PLCB1: variants seen among roughly 807,000 people sequenced by gnomAD.
PLCB1 encodes the protein 1-phosphatidylinositol 4,5-bisphosphate phosphodiesterase beta-1.
Under a neutral mutation model 161.8 loss-of-function variants are expected in PLCB1, and 46 were observed. That is an observed-to-expected ratio of 0.28 (90% CI 0.22 to 0.36). The LOEUF (loss-of-function observed/expected upper bound fraction) is 0.36, where lower values mean the gene tolerates loss of function less well. Ranked by LOEUF, PLCB1 falls within the 10% of genes least tolerant of loss-of-function variation. The pLI, the probability that PLCB1 is intolerant of heterozygous loss-of-function variation, is 1.00. For missense variants in PLCB1, 1,016 were observed against 1,472.5 expected (o/e 0.69, Z 5.07); for synonymous variants, 517 against 503.7 (o/e 1.03, Z -0.35).
At chr20:8,628,246 T>C (rs1399081198) in intron 3 of PLCB1, 48 bp from the exon 4 acceptor site, 5 of 1,409,802 alleles carry the variant, frequency 3.5e-6, no homozygotes, top group Non-Finnish European at 4.0e-6. Flanking sequence ...TGCTATCACG[T>C]TGGAATCTCT....
intron 4 of PLCB1, among the ~76,000 whole-genome samples, chr20:8,642,989 T>G (rs1290072546): frequency 6.6e-6 from 1 of 152,252 alleles, no homozygotes; most frequent in Admixed American, 6.5e-5. Flanking sequence ...ATTATCTATT[T>G]TAAGGAAAAT....
chr20:8,681,681 G>A (rs1990225703), intron 9 of PLCB1, among the ~76,000 whole-genome samples: 1 of 152,116 alleles, frequency 6.6e-6, no homozygotes, highest in Non-Finnish European at 1.5e-5. Flanking sequence ...GGCCCCTGAA[G>A]ATACTTGCAT....
At position 8,727,304 on chromosome 20, in the gene PLCB1, C is replaced by T; in HGVS notation, c.1679-5C>T. 6.5e-7 allele frequency: 1 copy of T among 1,546,328 alleles called. No homozygotes were observed. Among genetic ancestry groups the T allele is most frequent in the Non-Finnish European group, 8.9e-7 (1 of 1,122,880 alleles). ...CCTTTTTTGTTTTGTTGTTGCTTAA[C>T]TCAGAAAGAAATAAAAGTTTTGAAA... On this transcript the variant is annotated splice_polypyrimidine_tract_variant and splice_region_variant and intron_variant, in intron 16 of 31. Coordinates refer to ENST00000338037, the MANE Select transcript of PLCB1 (RefSeq NM_015192.4).
At chr20:8,499,197 C>T (rs112729632) in intron 3 of PLCB1, among the ~76,000 whole-genome samples, 2 of 152,308 alleles carry the variant, frequency 1.3e-5, no homozygotes, top group African/African-American at 4.8e-5. Flanking sequence ...CAAGGAATAA[C>T]TATAATAGCT....
chr20:8,382,641 C>T (rs1364833019), intron 3 of PLCB1, among the ~76,000 whole-genome samples: 5 of 151,544 alleles, frequency 3.3e-5, no homozygotes, highest in Admixed American at 1.3e-4. Flanking sequence ...CTCCACCTCC[C>T]GGGTTCACAC....
chr20:8,462,521 C>T, intron 3 of PLCB1, among the ~76,000 whole-genome samples: 1 of 152,164 alleles, frequency 6.6e-6, no homozygotes, highest in Non-Finnish European at 1.5e-5. Context: ...CTTAAACAAG[C>T]ATCATAGACC....
intron 3 of PLCB1, among the ~76,000 whole-genome samples, chr20:8,458,617 G>A (rs1481132572): frequency 6.6e-6 from 1 of 152,040 alleles, no homozygotes; most frequent in East Asian, 1.9e-4. Context: ...GAGACTTGGG[G>A]GCATATATTT....
At chr20:8,677,250 G>A (rs931262511) in intron 9 of PLCB1, among the ~76,000 whole-genome samples, 40 of 151,838 alleles carry the variant, frequency 2.6e-4, no homozygotes, top group African/African-American at 8.2e-4. Flanking sequence ...AAAATTAGCC[G>A]GGTGGGGTAT....
chr20:8,626,651 A>T (rs949062061), intron 3 of PLCB1, among the ~76,000 whole-genome samples: 5 of 152,188 alleles, frequency 3.3e-5, no homozygotes, highest in Non-Finnish European at 7.3e-5. Flanking sequence ...GTGGAAGTAA[A>T]TATATTGATG....
At chr20:8,839,419 A>G (rs1450919258) in intron 31 of PLCB1, among the ~76,000 whole-genome samples, 1 of 152,194 alleles carries the variant, frequency 6.6e-6, no homozygotes, top group East Asian at 1.9e-4. Flanking sequence ...TCCCAGAACA[A>G]GAGAAGGTTT....
intron 3 of PLCB1, among the ~76,000 whole-genome samples, chr20:8,430,996 C>T (rs1456508317): frequency 6.6e-6 from 1 of 151,664 alleles, no homozygotes; most frequent in Non-Finnish European, 1.5e-5. Flanking sequence ...AAAAGTTTTT[C>T]CTTATGGTTT....
intron 4 of PLCB1, among the ~76,000 whole-genome samples, chr20:8,633,749 A>C (rs1480865664): frequency 2.0e-5 from 3 of 152,122 alleles, no homozygotes; most frequent in Non-Finnish European, 2.9e-5. Flanking sequence ...CACCTAATCA[A>C]CATCCAGATC....
chr20:8,312,143 C>T (rs144909670), intron 2 of PLCB1, among the ~76,000 whole-genome samples: 1 of 152,266 alleles, frequency 6.6e-6, no homozygotes, highest in East Asian at 1.9e-4. Context: ...TCACAGCTGC[C>T]TTCACTCTCA....
rs111765257 is a variant in PLCB1, at chr20:8,178,111, G to T, written c.177+27740G>T. On this transcript the variant is annotated intron_variant, in intron 2 of 31. Transcript: ENST00000338037. The stretch of plus-strand genomic sequence containing the variant: ...CCAGGCTACTGTTGATGGGCATTTA[G>T]GTTGGTTTCATGTCTTTGTTTTTGT... Among the ~76,000 whole-genome samples the T allele has an allele frequency of 4.8e-3, 729 of 152,268 alleles. 2 individuals are homozygous for T. The highest frequency in any genetic ancestry group is 7.8e-3 in the Non-Finnish European group (531 of 68,018).
chr20:8,342,585 C>A (rs908992553), intron 2 of PLCB1, among the ~76,000 whole-genome samples: 2 of 152,184 alleles, frequency 1.3e-5, no homozygotes, highest in Non-Finnish European at 2.9e-5. Context: ...ACTCTCCCAA[C>A]TTGGTAGTGC....
chr20:8,549,486 T>G (rs2122987856), intron 3 of PLCB1, among the ~76,000 whole-genome samples: 1 of 152,284 alleles, frequency 6.6e-6, no homozygotes, highest in South Asian at 2.1e-4. Flanking sequence ...CCTTGAATTG[T>G]AATGATCCCC....
chr20:8,570,457 G>A (rs540880347), intron 3 of PLCB1, among the ~76,000 whole-genome samples: 67 of 152,152 alleles, frequency 4.4e-4, no homozygotes, highest in Middle Eastern at 3.4e-3. Flanking sequence ...ACATATATAC[G>A]AACACACCCA....
chr20:8,247,849 T>C (rs990132915), intron 2 of PLCB1, among the ~76,000 whole-genome samples: 33 of 152,060 alleles, frequency 2.2e-4, no homozygotes, highest in Non-Finnish European at 4.9e-4. Context: ...CTTTCAAGTG[T>C]CCAGATTGCA....
intron 31 of PLCB1, among the ~76,000 whole-genome samples, chr20:8,803,374 G>C (rs1984375405): frequency 6.6e-6 from 1 of 151,456 alleles, no homozygotes; most frequent in African/African-American, 2.4e-5. Context: ...TGAAGCAACT[G>C]TCATGGCATT....
Sources: allele counts gnomAD v4.1 joint callset (sites outside exome capture counted in the v4.1 genomes callset), GRCh38; gene constraint gnomAD v4.1.1; transcripts MANE v1.5; gene names NCBI Gene and HGNC (gene_info 2026-07-23, HGNC 2026-07-21).